The following TMEM132D variants were observed in gnomAD, a reference collection of about 807,000 sequenced individuals.
TMEM132D encodes the protein mature OL transmembrane protein.
Under a neutral mutation model 62.3 loss-of-function variants are expected in TMEM132D, and 21 were observed. That is an observed-to-expected ratio of 0.34 (90% CI 0.24 to 0.49). The LOEUF (loss-of-function observed/expected upper bound fraction) is 0.49, where lower values mean the gene tolerates loss of function less well. TMEM132D is among the 20% of genes least tolerant of loss of function. The pLI is 0.99. For synonymous variants in TMEM132D, 621 were observed against 575.6 expected, an observed-to-expected ratio of 1.08 and a Z score of -1.13; for missense variants, 1,346 against 1,402.8, an observed-to-expected ratio of 0.96 and a Z score of 0.65.
chr12:129,239,578 T>A (rs1879878615), intron 4 of TMEM132D, among the ~76,000 whole-genome samples: 2 of 152,204 alleles, frequency 1.3e-5, no homozygotes, highest in African/African-American at 4.8e-5. Flanking sequence ...AAGACCCTAA[T>A]CTAATGACTG....
intron 2 of TMEM132D, among the ~76,000 whole-genome samples, chr12:129,599,093 G>A (rs1878421249): frequency 6.6e-6 from 1 of 152,098 alleles, no homozygotes; most frequent in Non-Finnish European, 1.5e-5. Flanking sequence ...ATCAAAGAGG[G>A]GACCAAGCTG....
At chr12:129,498,612 C>T (rs10847889) in intron 3 of TMEM132D, among the ~76,000 whole-genome samples, 1 of 152,068 alleles carries the variant, frequency 6.6e-6, no homozygotes, top group East Asian at 1.9e-4. Context: ...TCAGAATTCT[C>T]TACTGGTTAA....
At chr12:129,323,419 G>GAAA (rs3045977) in intron 4 of TMEM132D, among the ~76,000 whole-genome samples, 70 of 151,510 alleles carry the variant, frequency 4.6e-4, no homozygotes, top group Admixed American at 4.6e-4. Flanking sequence ...AAAACAAACA[G>GAAA]AAAAAAAATA....
At chr12:129,669,057 G>A (rs533303563) in intron 2 of TMEM132D, among the ~76,000 whole-genome samples, 4 of 152,294 alleles carry the variant, frequency 2.6e-5, no homozygotes, top group African/African-American at 9.6e-5. Context: ...ACAAACCCAT[G>A]GCTGGGCTCG....
At chr12:129,469,429 G>A (rs35916430) in intron 3 of TMEM132D, among the ~76,000 whole-genome samples, 4 of 152,086 alleles carry the variant, frequency 2.6e-5, no homozygotes, top group Admixed American at 6.5e-5. Context: ...AATTCTGGAG[G>A]GGGGGCCAGC....
chr12:129,378,740 T>C (rs749528689), intron 3 of TMEM132D, among the ~76,000 whole-genome samples: 5 of 152,210 alleles, frequency 3.3e-5, no homozygotes, highest in African/African-American at 4.8e-5. Flanking sequence ...GTGGCAGAGC[T>C]GAGTGATTTT....
chr12:129,264,318 G>A (rs1011937261), intron 4 of TMEM132D, among the ~76,000 whole-genome samples: 3 of 152,172 alleles, frequency 2.0e-5, no homozygotes, highest in Non-Finnish European at 4.4e-5. Context: ...GAGCCTGGGA[G>A]GTGGAGGTTG....
At chr12:129,131,970 C>A (rs1156912632) in intron 5 of TMEM132D, among the ~76,000 whole-genome samples, 1 of 152,214 alleles carries the variant, frequency 6.6e-6, no homozygotes, top group Non-Finnish European at 1.5e-5. Flanking sequence ...GACTTTTAAA[C>A]CTAACCCTCC....
rs1415861320 is a variant in TMEM132D, at chr12:129,338,100, T to A, written c.1116-283A>T. On this transcript the variant is annotated intron_variant, in intron 3 of 8. Transcript: ENST00000422113. ...CCCAGAGCAGGTATTTGTGGATAAT[T>A]ATGGGAAATAGTGATTGCATTTCTT... Among the ~76,000 whole-genome samples, 6 of 152,350 alleles carry A rather than the reference T, an allele frequency of 3.9e-5. No individual in the cohort carries two copies. The East Asian group carries it at 1.2e-3, about 29-fold the overall frequency.
At chr12:129,302,405 A>G (rs2135628403) in intron 4 of TMEM132D, among the ~76,000 whole-genome samples, 2 of 152,348 alleles carry the variant, frequency 1.3e-5, no homozygotes, top group East Asian at 3.9e-4. Context: ...GTGAGCCACC[A>G]CGCCCGGCCT....
chr12:129,438,478 A>T (rs965191210), intron 3 of TMEM132D, among the ~76,000 whole-genome samples: 4 of 152,238 alleles, frequency 2.6e-5, no homozygotes, highest in African/African-American at 9.6e-5. Flanking sequence ...ACATAGATAC[A>T]TCTCCCTGAT....
chr12:129,313,571 A>G (rs201228175), intron 4 of TMEM132D, among the ~76,000 whole-genome samples: 3,365 of 99,354 alleles, frequency 0.034, 133 homozygotes, highest in African/African-American at 0.13. Flanking sequence ...GTGTGTGTGT[A>G]TATATATATA....
At chr12:129,887,206 G>A (rs1874776272) in intron 1 of TMEM132D, among the ~76,000 whole-genome samples, 1 of 152,172 alleles carries the variant, frequency 6.6e-6, no homozygotes, top group Non-Finnish European at 1.5e-5. Context: ...CAGGAGGAGA[G>A]GAGCCTGTGC....
In TMEM132D at chr12:129,677,770, C is replaced by T. The variant is rs564307722; in HGVS notation, c.968+22040G>A. On this transcript the variant is annotated intron_variant, in intron 2 of 8. Coordinates refer to ENST00000422113, the MANE Select transcript of TMEM132D (RefSeq NM_133448.3). ...ATTCTGATGTCCCTGCGTGACCCTC[C>T]CCAGTAACACCCTTCATCCTCCTTA... Among the ~76,000 whole-genome samples, 6 of 152,018 alleles carry T rather than the reference C, an allele frequency of 3.9e-5. No individual in the cohort carries two copies. The South Asian group carries it at 1.2e-3, about 32-fold the overall frequency.
chr12:129,800,389 G>A (rs1408085924), intron 1 of TMEM132D, among the ~76,000 whole-genome samples: 5 of 151,936 alleles, frequency 3.3e-5, no homozygotes, highest in African/African-American at 1.2e-4. Flanking sequence ...AAAAAAAAGG[G>A]CGGGGGAGCC....
chr12:129,430,194 C>T (rs1872614965), intron 3 of TMEM132D, among the ~76,000 whole-genome samples: 1 of 152,154 alleles, frequency 6.6e-6, no homozygotes, highest in African/African-American at 2.4e-5. Flanking sequence ...TTTACAGTCC[C>T]ACCAACAGTG....
chr12:129,108,051 TACTTCTG>T (rs1443261918), intron 5 of TMEM132D, among the ~76,000 whole-genome samples: 5 of 152,202 alleles, frequency 3.3e-5, no homozygotes, highest in African/African-American at 1.2e-4. Flanking sequence ...GGGCATTTAG[TACTTCTG>T]ACTTCTGACC....
chr12:129,845,302 T>C (rs1873328210), intron 1 of TMEM132D, among the ~76,000 whole-genome samples: 2 of 152,220 alleles, frequency 1.3e-5, no homozygotes, highest in African/African-American at 4.8e-5. Context: ...TCCTGAGAAA[T>C]GTTATAGCCT....
At chr12:129,502,890 T>C (rs1375531277) in intron 3 of TMEM132D, among the ~76,000 whole-genome samples, 1 of 152,162 alleles carries the variant, frequency 6.6e-6, no homozygotes, top group Non-Finnish European at 1.5e-5. Context: ...AACAGAACAA[T>C]GGGGAGCTGT....
Sources: allele counts gnomAD v4.1 joint callset (sites outside exome capture counted in the v4.1 genomes callset), GRCh38; gene constraint gnomAD v4.1.1; transcripts MANE v1.5; gene names NCBI Gene and HGNC (gene_info 2026-07-23, HGNC 2026-07-21).